EPC1: variants seen among roughly 807,000 people sequenced by gnomAD.
EPC1 encodes enhancer of polycomb homolog 1.
Under a neutral mutation model 98.4 loss-of-function variants are expected in EPC1, and 12 were observed. That is an observed-to-expected ratio of 0.12 (90% CI 0.08 to 0.20). EPC1 has a LOEUF of 0.20. EPC1 is among the 10% of genes least tolerant of loss of function. EPC1 has a pLI of 1.00. For synonymous variants in EPC1, 357 were observed against 363.9 expected (o/e 0.98, Z 0.21); for missense variants, 729 against 990.5 (o/e 0.74, Z 3.54).
At chr10:32,288,165 G>C (rs1441866609) in intron 6 of EPC1, among the ~76,000 whole-genome samples, 2 of 151,990 alleles carry the variant, frequency 1.3e-5, no homozygotes, top group African/African-American at 2.4e-5. Context: ...AAACCATAAG[G>C]CATCTCTCCA....
chr10:32,340,466 C>T (rs1198156285), intron 1 of EPC1, among the ~76,000 whole-genome samples: 1 of 152,090 alleles, frequency 6.6e-6, no homozygotes, highest in Non-Finnish European at 1.5e-5. Flanking sequence ...GGATTTAATA[C>T]ACCTAATCAA....
chr10:32,344,857 G>C (rs1050134377), intron 1 of EPC1, among the ~76,000 whole-genome samples: 7 of 152,204 alleles, frequency 4.6e-5, no homozygotes, highest in Non-Finnish European at 1.0e-4. Flanking sequence ...AACAAGCACT[G>C]ATACTTCATT....
upstream of EPC1, among the ~76,000 whole-genome samples, chr10:32,348,989 C>T (rs74128090): frequency 0.034 from 5,192 of 152,260 alleles, 284 homozygotes; most frequent in African/African-American, 0.12. Context: ...AGAAAGGTAT[C>T]TTAAGACAAC....
chr10:32,354,005 A>G (rs1177459031), intron 1 of EPC1, among the ~76,000 whole-genome samples: 2 of 152,210 alleles, frequency 1.3e-5, no homozygotes, highest in African/African-American at 4.8e-5. Context: ...GTTGCCTTTC[A>G]ATATATTTAC....
In EPC1 at chr10:32,273,172, G is replaced by A; in HGVS notation, c.1854C>T (p.Asn618=). 1.2e-6 allele frequency: 2 copies of A among 1,614,124 alleles called. No homozygotes were observed. The highest frequency in any genetic ancestry group is 1.7e-6 in the Non-Finnish European group (2 of 1,179,998). ...CAGACAAATCCCTCACCTGTGATGT[G>A]TTGGTGGAGGAATTACTATTTGCTT... is the stretch of plus-strand genomic sequence containing the variant. ...QQQANSNSST[N]TSQGFVSKTL... is the part of the protein sequence containing the mutation. The change falls in exon 11 of 14, where the codon AAC becomes AAT. Residue 618 remains asparagine (N), a synonymous_variant. Transcript: ENST00000319778.
At chr10:32,342,386 AC>A (rs1402558897) in intron 1 of EPC1, among the ~76,000 whole-genome samples, 1 of 152,226 alleles carries the variant, frequency 6.6e-6, no homozygotes, top group Non-Finnish European at 1.5e-5. Flanking sequence ...AAATGGGGTA[AC>A]CATTTTTTTC....
chr10:32,303,121 T>C (rs931399105), intron 2 of EPC1, among the ~76,000 whole-genome samples: 1 of 152,144 alleles, frequency 6.6e-6, no homozygotes, highest in African/African-American at 2.4e-5. Context: ...CTGGCCAATA[T>C]GGTGAAACCC....
At chr10:32,271,989 A>C in intron 12 of EPC1, 37 bp downstream of exon 12, 1 of 1,599,236 alleles carries the variant, frequency 6.3e-7, no homozygotes, top group Admixed American at 1.8e-5. Context: ...ATATGTTATA[A>C]ATATAACCCA....
intron 1 of EPC1, among the ~76,000 whole-genome samples, chr10:32,313,352 A>T (rs572815023): frequency 6.0e-4 from 91 of 152,328 alleles, no homozygotes; most frequent in African/African-American, 2.1e-3. Flanking sequence ...ACTGGGACAC[A>T]ATGGCAAATA....
intron 1 of EPC1, among the ~76,000 whole-genome samples, chr10:32,343,895 A>T (rs1838559551): frequency 6.6e-6 from 1 of 152,260 alleles, no homozygotes; most frequent in African/African-American, 2.4e-5. Flanking sequence ...ATTTCACATG[A>T]CAATTCTGCA....
At chr10:32,287,629 T>G (rs568889324) in intron 6 of EPC1, among the ~76,000 whole-genome samples, 1 of 152,290 alleles carries the variant, frequency 6.6e-6, no homozygotes, top group Non-Finnish European at 1.5e-5. Flanking sequence ...GAGAATTTTT[T>G]TTTAAAGGGG....
At chr10:32,336,020 T>C (rs1037364964) in intron 1 of EPC1, among the ~76,000 whole-genome samples, 2 of 151,880 alleles carry the variant, frequency 1.3e-5, no homozygotes, top group African/African-American at 4.8e-5. Flanking sequence ...TTTCCCTGCT[T>C]ACCCAGCTTA....
At chr10:32,309,158 A>C (rs1836050332) in intron 1 of EPC1, among the ~76,000 whole-genome samples, 1 of 152,212 alleles carries the variant, frequency 6.6e-6, no homozygotes. Flanking sequence ...GGGGATGGTT[A>C]ATGGGCAGAA....
intron 1 of EPC1, among the ~76,000 whole-genome samples, chr10:32,370,095 A>G (rs886377523): frequency 3.3e-5 from 5 of 152,228 alleles, no homozygotes; most frequent in African/African-American, 9.6e-5. Context: ...AACTGGAATT[A>G]ACTTCTGAAT....
At chr10:32,299,873 C>A (rs1835389954) in intron 2 of EPC1, among the ~76,000 whole-genome samples, 2 of 152,146 alleles carry the variant, frequency 1.3e-5, no homozygotes, top group South Asian at 4.2e-4. Flanking sequence ...ACTGATGATT[C>A]TAGTATGATC....
At chr10:32,334,641 T>G (rs889271080) in intron 1 of EPC1, among the ~76,000 whole-genome samples, 2 of 152,202 alleles carry the variant, frequency 1.3e-5, no homozygotes, top group African/African-American at 4.8e-5. Context: ...ATATTAAAAC[T>G]GTACACTTCA....
intron 3 of EPC1, 96 bp downstream of exon 3, chr10:32,293,496 T>A: frequency 8.6e-7 from 1 of 1,169,168 alleles, no homozygotes; most frequent in South Asian, 1.6e-5. Context: ...AAAGCCTGAC[T>A]GATTACCCCC....
rs959269040 is a variant in EPC1, at chr10:32,347,042, C to A, written c.-127G>T. The A allele has an allele frequency of 4.7e-6, 7 of 1,474,530 alleles. No homozygotes were observed. The highest frequency in any genetic ancestry group is 6.3e-6 in the Non-Finnish European group (7 of 1,118,868). 91.3% of individuals were successfully genotyped at this position (1,474,530 alleles called of 1,614,324 possible). On this transcript the variant is annotated 5_prime_UTR_variant, in exon 1 of 14. Transcript: ENST00000319778. ...GACTTGAGGGGCGGAGCGCAGAGCC[C>A]GCCGTCCGGGCACTAACACCAGCCG...
intron 2 of EPC1, among the ~76,000 whole-genome samples, chr10:32,302,004 T>C (rs1592570884): frequency 6.6e-6 from 1 of 152,068 alleles, no homozygotes; most frequent in African/African-American, 2.4e-5. Flanking sequence ...CTGGAGGTGG[T>C]GGCTCACGCC....
Sources: allele counts gnomAD v4.1 joint callset (sites outside exome capture counted in the v4.1 genomes callset), GRCh38; gene constraint gnomAD v4.1.1; transcripts MANE v1.5; gene names NCBI Gene and HGNC (gene_info 2026-07-23, HGNC 2026-07-21).